CFAP20DC: variants seen among roughly 807,000 people sequenced by gnomAD.
CFAP20DC encodes the protein protein CFAP20DC.
Under a neutral mutation model 101.7 loss-of-function variants are expected in CFAP20DC, and 84 were observed. That is an observed-to-expected ratio of 0.83 (90% CI 0.69 to 0.99). CFAP20DC has a LOEUF of 0.99. Among genes scored for constraint, CFAP20DC ranks in the 50% least tolerant of loss-of-function variants. CFAP20DC has a pLI of 0.00. For missense variants in CFAP20DC, 1,007 were observed against 970.3 expected (o/e 1.04, Z -0.50); for synonymous variants, 359 against 351.2 (o/e 1.02, Z -0.25).
Position 58,867,885 on chromosome 3 carries a change from T to C in CFAP20DC, c.1067A>G (p.Asp356Gly). 6.2e-7 allele frequency: 1 copy of C among 1,613,662 alleles called. No homozygotes were observed. The highest frequency in any genetic ancestry group is 8.5e-7 in the Non-Finnish European group (1 of 1,179,672). ...TAATCTTCTTCTGTTATTATTCTTATCTGCTGATGGTTCTTGAGGGGGATG... is the reference window on the plus strand; with the variant it reads ...TAATCTTCTTCTGTTATTATTCTTACCTGCTGATGGTTCTTGAGGGGGATG... ...HPHPPQEPSA[D>G]KNNNRRRLRL... is the part of the protein sequence containing the mutation. Residue 356 changes from aspartate (D) to glycine (G), a missense_variant, in exon 10 of 17, where the codon GAT becomes GGT. Physicochemically the swap from Asp to Gly is moderately conservative, Grantham distance 94 (BLOSUM62 -1). Coordinates refer to ENST00000482387, the MANE Select transcript of CFAP20DC (RefSeq NM_001394063.1).
chr3:58,996,301 G>A (rs1296611236), intron 4 of CFAP20DC, among the ~76,000 whole-genome samples: 1 of 152,104 alleles, frequency 6.6e-6, no homozygotes, highest in African/African-American at 2.4e-5. Flanking sequence ...TATCACCTCT[G>A]TGTCTTCCTG....
At chr3:58,780,440 G>T (rs996739920) in intron 15 of CFAP20DC, among the ~76,000 whole-genome samples, 2 of 152,100 alleles carry the variant, frequency 1.3e-5, no homozygotes, top group East Asian at 3.9e-4. Context: ...GCCCACATGT[G>T]TCAGTAATAA....
At position 58,937,851 on chromosome 3, in the gene CFAP20DC, A is replaced by C. The variant is rs751851846; in HGVS notation, c.279-89T>G. On this transcript the variant is annotated intron_variant, in intron 4 of 16. Transcript: ENST00000482387. ...AATCATCAAAATGATATAATTTATC[A>C]TACAGACCCTTTTCAACAGGAAGAT... is the stretch of plus-strand genomic sequence containing the variant. 45 of 732,202 alleles carry C rather than the reference A, an allele frequency of 6.1e-5. No homozygotes were observed. The Middle Eastern group carries it at 9.5e-4, about 16-fold the overall frequency. 45.4% of individuals were successfully genotyped at this position (732,202 alleles called of 1,614,324 possible).
At chr3:58,843,848 G>A (rs1292567492) in intron 13 of CFAP20DC, among the ~76,000 whole-genome samples, 56 of 137,618 alleles carry the variant, frequency 4.1e-4, no homozygotes, top group African/African-American at 1.4e-3. Flanking sequence ...AAGAGAGTGG[G>A]GGCCAATATT....
intron 6 of CFAP20DC, among the ~76,000 whole-genome samples, chr3:58,907,755 C>T (rs184559068): frequency 6.6e-6 from 1 of 152,142 alleles, no homozygotes; most frequent in Non-Finnish European, 1.5e-5. Context: ...TTTACCTAAT[C>T]AAGGCATAAG....
intron 15 of CFAP20DC, among the ~76,000 whole-genome samples, chr3:58,805,429 C>G (rs1205076910): frequency 6.6e-6 from 1 of 152,210 alleles, no homozygotes; most frequent in Non-Finnish European, 1.5e-5. Flanking sequence ...TACTTAACAA[C>G]CACCTGCCAA....
chr3:58,865,985 A>G (rs2079654650), intron 11 of CFAP20DC, among the ~76,000 whole-genome samples: 1 of 152,196 alleles, frequency 6.6e-6, no homozygotes, highest in South Asian at 2.1e-4. Context: ...TAATCACAAT[A>G]TTGCAGCAAA....
chr3:58,918,911 C>T (rs1408369473), intron 5 of CFAP20DC, among the ~76,000 whole-genome samples: 1 of 152,130 alleles, frequency 6.6e-6, no homozygotes, highest in Admixed American at 6.6e-5. Context: ...TATAAAAGTA[C>T]CTGGGACATC....
At chr3:59,036,166 T>C (rs906370940) in intron 4 of CFAP20DC, among the ~76,000 whole-genome samples, 1 of 152,178 alleles carries the variant, frequency 6.6e-6, no homozygotes, top group Non-Finnish European at 1.5e-5. Context: ...ATAAGAGGTA[T>C]TTATGACAAA....
At chr3:58,967,870 C>T (rs976853483) in intron 4 of CFAP20DC, among the ~76,000 whole-genome samples, 1 of 152,168 alleles carries the variant, frequency 6.6e-6, no homozygotes, top group Non-Finnish European at 1.5e-5. Context: ...CCACCCTCCA[C>T]CCTCAAGTAG....
At chr3:58,908,872 G>A (rs552185010) in intron 6 of CFAP20DC, among the ~76,000 whole-genome samples, 79 of 152,158 alleles carry the variant, frequency 5.2e-4, no homozygotes, top group African/African-American at 1.5e-3. Flanking sequence ...CCTTAAATGC[G>A]TATTACTAAG....
intron 15 of CFAP20DC, 52 bp downstream of exon 15, chr3:58,806,343 C>G (rs2074051674): frequency 1.6e-6 from 2 of 1,226,586 alleles, no homozygotes; most frequent in Non-Finnish European, 2.4e-6. Flanking sequence ...AATGTACAAT[C>G]TTCCAACTAA....
chr3:58,741,393 A>G (rs1253187982), downstream of CFAP20DC, among the ~76,000 whole-genome samples: 1 of 152,000 alleles, frequency 6.6e-6, no homozygotes, highest in East Asian at 1.9e-4. Flanking sequence ...AGGTCACAGG[A>G]GTGGTGATGA....
chr3:58,927,883 A>G (rs577757288), intron 5 of CFAP20DC, among the ~76,000 whole-genome samples: 2 of 152,298 alleles, frequency 1.3e-5, no homozygotes, highest in South Asian at 4.1e-4. Flanking sequence ...CTTTGGGAAT[A>G]GAGTATACTA....
In CFAP20DC at chr3:58,788,003, G is replaced by A. The variant is rs557253247; in HGVS notation, c.2237+18392C>T. 1.3e-5 allele frequency among the ~76,000 whole-genome samples: 2 copies of A among 151,984 alleles called. No individual in the cohort carries two copies. Among genetic ancestry groups the A allele is most frequent in the Non-Finnish European group, 2.9e-5 (2 of 67,982 alleles). ...GGCCTGTTGGGGGGTGGGGTGCTAG[G>A]GGAGGGATAGCATTAGGAGAAACAC... On this transcript the variant is annotated intron_variant, in intron 15 of 16. Coordinates refer to ENST00000482387, the MANE Select transcript of CFAP20DC (RefSeq NM_001394063.1). The surrounding 1 kb of genome is among the most constrained non-coding windows in gnomAD (Gnocchi z 4.2).
intron 3 of CFAP20DC, among the ~76,000 whole-genome samples, chr3:58,719,462 G>A (rs1296566049): frequency 1.3e-5 from 2 of 152,196 alleles, no homozygotes; most frequent in African/African-American, 4.8e-5. Flanking sequence ...GTGAATGAAT[G>A]AATAAAATGC....
At chr3:58,809,879 C>T (rs982455270) in intron 14 of CFAP20DC, among the ~76,000 whole-genome samples, 10 of 151,984 alleles carry the variant, frequency 6.6e-5, no homozygotes, top group African/African-American at 9.7e-5. Context: ...ATATCACCAC[C>T]GATCCCTCAG....
At chr3:58,764,176 G>C (rs1176563458) in intron 15 of CFAP20DC, among the ~76,000 whole-genome samples, 1 of 152,196 alleles carries the variant, frequency 6.6e-6, no homozygotes, top group South Asian at 2.1e-4. Context: ...AGCTGCAGTG[G>C]GCTCCACCCA....
chr3:58,886,163 T>C (rs527968576), intron 6 of CFAP20DC, among the ~76,000 whole-genome samples: 1 of 152,290 alleles, frequency 6.6e-6, no homozygotes, highest in South Asian at 2.1e-4. Context: ...TTTCATTTTA[T>C]GAATCTATTC....
Sources: allele counts gnomAD v4.1 joint callset (sites outside exome capture counted in the v4.1 genomes callset), GRCh38; gene constraint gnomAD v4.1.1; non-coding constraint Gnocchi (gnomAD v3.1); transcripts MANE v1.5; gene names NCBI Gene and HGNC (gene_info 2026-07-23, HGNC 2026-07-21).